The following PRRC2B variants were observed in gnomAD, a reference collection of about 807,000 sequenced individuals.
PRRC2B encodes protein PRRC2B.
A neutral mutation model predicts 242.3 loss-of-function variants in PRRC2B; 68 were observed. The ratio of observed to expected loss-of-function variants is 0.28; its 90% CI spans 0.23 to 0.34. The LOEUF (loss-of-function observed/expected upper bound fraction) is 0.34. PRRC2B is among the 10% of genes least tolerant of loss of function. The probability of loss-of-function intolerance (pLI) is 1.00; values close to 1 mark genes in which losing one functional copy is unlikely to be tolerated. For synonymous variants in PRRC2B, 1,228 were observed against 1,173.6 expected (o/e 1.05, Z -0.95); for missense variants, 2,835 against 2,954.8 (o/e 0.96, Z 0.94).
chr9:131,382,713 C>T (rs1004391059), intron 1 of PRRC2B, among the ~76,000 whole-genome samples: 1 of 150,734 alleles, frequency 6.6e-6, no homozygotes, highest in East Asian at 2.0e-4. Flanking sequence ...GGTGTGATCT[C>T]GGCTCACAGC....
chr9:131,453,495 C>T (rs186347733), intron 9 of PRRC2B, among the ~76,000 whole-genome samples: 1 of 152,276 alleles, frequency 6.6e-6, no homozygotes, highest in African/African-American at 2.4e-5. Context: ...ACCTTAGTCT[C>T]CTGTGTAGCC....
chr9:131,423,525 C>G (rs1177099086), intron 1 of PRRC2B, among the ~76,000 whole-genome samples: 1 of 152,238 alleles, frequency 6.6e-6, no homozygotes, highest in Non-Finnish European at 1.5e-5. Flanking sequence ...GCCTCGCACT[C>G]AGCCGGTCAG....
At chr9:131,492,611 C>T (rs1944227611) in intron 30 of PRRC2B, among the ~76,000 whole-genome samples, 1 of 152,254 alleles carries the variant, frequency 6.6e-6, no homozygotes, top group African/African-American at 2.4e-5. Context: ...CACAGGGCTG[C>T]ATCCTGGCAA....
rs765620151 is a variant in PRRC2B, at chr9:131,487,951, G to A, written c.6080G>A (p.Gly2027Asp). ...ALKPPYSAFP[G>D]MQPLEMVKPQ... ...AAGCCTCCATACTCGGCGTTCCCAG[G>A]CATGCAGCCCTTGGAGATGGTGAAG... Residue 2027 changes from glycine (G) to aspartate (D), a missense_variant, in exon 28 of 32, where the codon GGC becomes GAC. By Grantham distance (94) the Gly-to-Asp change is moderately conservative. This residue lies in a region of PRRC2B where 574 missense variants were observed against 626.0 expected (regional missense o/e 0.92). Coordinates refer to ENST00000683519, the MANE Select transcript of PRRC2B (RefSeq NM_013318.4). The surrounding 1 kb of genome is among the most constrained non-coding windows in gnomAD (Gnocchi z 5.3). The A allele has an allele frequency of 6.2e-7, 1 of 1,613,318 alleles. No homozygotes were observed. The highest frequency in any genetic ancestry group is 8.5e-7 in the Non-Finnish European group (1 of 1,179,618).
Position 131,475,734 on chromosome 9 carries a change from G to A in PRRC2B, c.3605G>A (p.Gly1202Glu). The A allele has an allele frequency of 6.2e-7, 1 of 1,613,336 alleles. No individual in the cohort carries two copies. Among genetic ancestry groups the A allele is most frequent in the Non-Finnish European group, 8.5e-7 (1 of 1,179,710 alleles). Residue 1202 changes from glycine (G) to glutamate (E), a missense_variant, in exon 16 of 32, where the codon GGG becomes GAG. By Grantham distance (98) the Gly-to-Glu change is moderately conservative. Coordinates refer to ENST00000683519, the MANE Select transcript of PRRC2B (RefSeq NM_013318.4). ...AAGAGCCGAGGCCCTCGGGCCTTTG[G>A]GCGAGCCCTCCCTCCCCGGCTGAGC... is the stretch of plus-strand genomic sequence containing the variant. Reference protein sequence around the residue: ...DAKSRGPRAFGRALPPRLSNC... With the variant: ...DAKSRGPRAFERALPPRLSNC...
chr9:131,394,729 G>T lies in PRRC2B; in HGVS notation c.-52+466G>T, dbSNP rs1361832902. On this transcript the variant is annotated intron_variant, in intron 1 of 31. Coordinates refer to ENST00000683519, the MANE Select transcript of PRRC2B (RefSeq NM_013318.4). ...GCGCGCCCGAGGCGGGATCCTGCGGGGTCGGGCCTTGGGTCCGGGGCGCTG... is the reference window on the plus strand; with the variant it reads ...GCGCGCCCGAGGCGGGATCCTGCGGTGTCGGGCCTTGGGTCCGGGGCGCTG... 1.3e-4 allele frequency among the ~76,000 whole-genome samples: 20 copies of T among 151,800 alleles called. 1 individual carries two copies. Among genetic ancestry groups the T allele is most frequent in the African/African-American group, 4.3e-4 (18 of 41,516 alleles).
intron 12 of PRRC2B, among the ~76,000 whole-genome samples, chr9:131,466,244 C>T (rs1943392495): frequency 6.6e-6 from 1 of 152,220 alleles, no homozygotes; most frequent in Admixed American, 6.5e-5. Context: ...TCTAGTTTTT[C>T]TTCTGCCCTC....
intron 28 of PRRC2B, among the ~76,000 whole-genome samples, chr9:131,490,200 C>T (rs1312282095): frequency 6.6e-6 from 1 of 151,660 alleles, no homozygotes; most frequent in Non-Finnish European, 1.5e-5. Flanking sequence ...TTGTCCAGTC[C>T]ACATCCTCCT....
chr9:131,491,113 C>T (rs888787300), intron 28 of PRRC2B: 13 of 328,802 alleles, frequency 4.0e-5, no homozygotes, highest in Admixed American at 9.4e-5. Flanking sequence ...AGACGCAGCC[C>T]TTAGCAGAGA....
At chr9:131,394,602 G>A (rs892706433) in intron 1 of PRRC2B, among the ~76,000 whole-genome samples, 2 of 151,106 alleles carry the variant, frequency 1.3e-5, no homozygotes, top group Non-Finnish European at 3.0e-5. Context: ...AGGCCGGGCC[G>A]GGCTGCAGAG....
chr9:131,440,659 C>T (rs1171011793), intron 5 of PRRC2B, among the ~76,000 whole-genome samples: 3 of 152,122 alleles, frequency 2.0e-5, no homozygotes, highest in African/African-American at 7.2e-5. Context: ...CAAAAGATTG[C>T]AAACAGTCCC....
intron 1 of PRRC2B, among the ~76,000 whole-genome samples, chr9:131,423,862 G>A (rs1261825195): frequency 6.6e-6 from 1 of 152,062 alleles, no homozygotes. Context: ...GGTATCCCAA[G>A]TTTATATAGG....
intron 1 of PRRC2B, among the ~76,000 whole-genome samples, chr9:131,378,358 C>CAGGG (rs2131262057): frequency 6.7e-6 from 1 of 149,900 alleles, no homozygotes; most frequent in African/African-American, 2.5e-5. Context: ...CTCACAAAGG[C>CAGGG]AGGGGGTGCT....
intron 5 of PRRC2B, 52 bp from the exon 6 acceptor site, chr9:131,444,133 C>T (rs1254624913): frequency 1.2e-5 from 19 of 1,602,300 alleles, no homozygotes; most frequent in South Asian, 3.3e-5. Context: ...GGGAAGCAGA[C>T]GACTGTTGAC....
At position 131,465,248 on chromosome 9, in the gene PRRC2B, T is replaced by C. The variant is rs539087554; in HGVS notation, c.1720+170T>C. ...AGGCCTGGGTCAAATGCCTGGGTTC[T>C]GATCCTATTTGAACTTCTTTTTTAT... On this transcript the variant is annotated intron_variant, in intron 12 of 31. Transcript: ENST00000683519. Among the ~76,000 whole-genome samples, 3 of 152,376 alleles carry C rather than the reference T, an allele frequency of 2.0e-5. No homozygotes were observed. The East Asian group carries it at 5.8e-4, about 29-fold the overall frequency.
In PRRC2B at chr9:131,493,517, C is replaced by T. The variant is rs182859524; in HGVS notation, c.6474-888C>T. Among the ~76,000 whole-genome samples the T allele has an allele frequency of 9.1e-4, 138 of 152,354 alleles. 1 individual carries two copies. Among genetic ancestry groups the T allele is most frequent in the Non-Finnish European group, 1.1e-3 (76 of 68,038 alleles). On this transcript the variant is annotated intron_variant, in intron 30 of 31. Coordinates refer to ENST00000683519, the MANE Select transcript of PRRC2B (RefSeq NM_013318.4). ...AGCAAAACCCAGAGACAGAGCCTCA[C>T]GGGACAAGAGTCGCCTGTGTCTATG...
At position 131,484,960 on chromosome 9, in the gene PRRC2B, C is replaced by T. The variant is rs1943977151; in HGVS notation, c.5578C>T (p.Arg1860Cys). The T allele has an allele frequency of 6.2e-7, 1 of 1,612,342 alleles. No homozygotes were observed. The highest frequency in any genetic ancestry group is 8.5e-7 in the Non-Finnish European group (1 of 1,178,780). Residue 1860 changes from arginine to cysteine, a missense_variant, in exon 25 of 32, where the codon CGC becomes TGC. Arg to Cys is a radical substitution (Grantham distance 180). Around this residue, in one of 7 missense-constraint regions of PRRC2B, gnomAD observed 574 missense variants for 626.0 expected, o/e 0.92. Transcript: ENST00000683519. Reference protein sequence around the residue: ...ADLTLKMESARKAWENSPSLP... With the variant: ...ADLTLKMESACKAWENSPSLP... Reference sequence around the variant, plus strand: ...CTTGCTTCTGAAGATGGAGTCTGCGCGCAAGGCTTGGGAAAACTCCCCCAG... The same window carrying T: ...CTTGCTTCTGAAGATGGAGTCTGCGTGCAAGGCTTGGGAAAACTCCCCCAG...
intron 23 of PRRC2B, 21 bp downstream of exon 23, chr9:131,483,466 T>G (rs373820162): frequency 3.7e-5 from 60 of 1,607,208 alleles, no homozygotes; most frequent in Non-Finnish European, 5.1e-5. Context: ...ACTTCCACTT[T>G]TGGCTCCACT....
Position 131,475,745 on chromosome 9 carries a change from C to T in PRRC2B, c.3616C>T (p.Pro1206Ser), listed in dbSNP as rs746389555. Residue 1206 changes from proline (P) to serine (S), a missense_variant, in exon 16 of 32, where the codon CCT becomes TCT. Around this residue, in one of 7 missense-constraint regions of PRRC2B, gnomAD observed 1,536 missense variants for 1,483.1 expected, o/e 1.04. Coordinates refer to ENST00000683519, the MANE Select transcript of PRRC2B (RefSeq NM_013318.4). ...CCCTCGGGCCTTTGGGCGAGCCCTC[C>T]CTCCCCGGCTGAGCAATTGCGGGTA... ...RGPRAFGRALPPRLSNCGYGR... is the reference protein window; with the variant it reads ...RGPRAFGRALSPRLSNCGYGR... 2.5e-6 allele frequency: 4 copies of T among 1,613,342 alleles called. No homozygotes were observed. Among genetic ancestry groups the T allele is most frequent in the Admixed American group, 1.7e-5 (1 of 59,954 alleles).
Sources: allele counts gnomAD v4.1 joint callset (sites outside exome capture counted in the v4.1 genomes callset), GRCh38; gene constraint gnomAD v4.1.1; regional missense constraint gnomAD v4.1.1; non-coding constraint Gnocchi (gnomAD v3.1); transcripts MANE v1.5; gene names NCBI Gene and HGNC (gene_info 2026-07-23, HGNC 2026-07-21).